KCNH1: variants seen among roughly 807,000 people sequenced by gnomAD.
KCNH1 encodes the protein voltage-gated delayed rectifier potassium channel KCNH1.
KCNH1 carries 27 observed loss-of-function variants against 69.2 expected under a neutral mutation model. The observed-to-expected ratio is 0.39, with a 90% CI of 0.29 to 0.54. The LOEUF (loss-of-function observed/expected upper bound fraction) is 0.54. KCNH1 is among the 20% of genes least tolerant of loss of function. KCNH1 has a pLI of 0.68. For synonymous variants in KCNH1, 456 were observed against 487.7 expected, an observed-to-expected ratio of 0.93 and a Z score of 0.86; for missense variants, 798 against 1,261.6, an observed-to-expected ratio of 0.63 and a Z score of 5.57.
At chr1:210,866,560 G>A (rs1383422330) in intron 7 of KCNH1, among the ~76,000 whole-genome samples, 8 of 152,072 alleles carry the variant, frequency 5.3e-5, no homozygotes, top group Admixed American at 5.2e-4. Flanking sequence ...AAATCACAAT[G>A]AGACATCACT....
intron 3 of KCNH1, among the ~76,000 whole-genome samples, chr1:211,091,128 C>T (rs529345086): frequency 2.0e-5 from 3 of 152,158 alleles, no homozygotes; most frequent in Non-Finnish European, 2.9e-5. Flanking sequence ...TAAAGGATCC[C>T]AGGGTCAAAA....
intron 7 of KCNH1, chr1:210,862,396 T>C: frequency 1.7e-6 from 1 of 600,794 alleles, no homozygotes; most frequent in East Asian, 3.2e-5. Context: ...AGGGCAATGG[T>C]GCAATCTTAA....
intron 10 of KCNH1, among the ~76,000 whole-genome samples, chr1:210,737,528 C>G (rs1245981857): frequency 2.0e-5 from 3 of 152,178 alleles, no homozygotes; most frequent in Non-Finnish European, 2.9e-5. Flanking sequence ...CTCACCCAGT[C>G]TCATGGATTT....
At chr1:210,821,885 G>A (rs992308908) in intron 7 of KCNH1, among the ~76,000 whole-genome samples, 8 of 151,598 alleles carry the variant, frequency 5.3e-5, no homozygotes, top group Non-Finnish European at 1.0e-4. Context: ...CACCCAGGCT[G>A]GAGTGTAGTG....
chr1:211,127,966 G>A (rs1386392686), intron 1 of KCNH1, among the ~76,000 whole-genome samples: 1 of 152,144 alleles, frequency 6.6e-6, no homozygotes, highest in Admixed American at 6.5e-5. Flanking sequence ...GTGTGGTACA[G>A]TCATACTATA....
chr1:210,863,740 T>C (rs1382961157), intron 7 of KCNH1, among the ~76,000 whole-genome samples: 1 of 152,198 alleles, frequency 6.6e-6, no homozygotes, highest in Non-Finnish European at 1.5e-5. Flanking sequence ...GCCTTGCTGG[T>C]GTTCCCTCAT....
chr1:210,984,977 A>G (rs572172870), intron 6 of KCNH1, among the ~76,000 whole-genome samples: 7 of 152,302 alleles, frequency 4.6e-5, no homozygotes, highest in African/African-American at 1.7e-4. Flanking sequence ...TTATTGGTCT[A>G]TTCAGAGATT....
At chr1:210,700,865 A>G (rs1364046009) in intron 10 of KCNH1, among the ~76,000 whole-genome samples, 4 of 151,764 alleles carry the variant, frequency 2.6e-5, no homozygotes, top group Non-Finnish European at 5.9e-5. Context: ...TGTTGTCTCA[A>G]AGTTTTTCAC....
intron 7 of KCNH1, among the ~76,000 whole-genome samples, chr1:210,885,838 C>T (rs910222918): frequency 1.3e-5 from 2 of 152,216 alleles, no homozygotes; most frequent in Admixed American, 1.3e-4. Flanking sequence ...CAGACTGCCT[C>T]TCTAGATTCC....
Position 210,823,353 on chromosome 1 carries a change from G to A in KCNH1, c.1463-19187C>T, listed in dbSNP as rs1462809148. 3.3e-5 allele frequency among the ~76,000 whole-genome samples: 5 copies of A among 152,182 alleles called. No homozygotes were observed. In the East Asian group the frequency reaches 9.6e-4, roughly 29 times the overall value. ...TTGCTCTCAAAGTAAGTGGTACACT[G>A]TAAGAAGACCCAAGAGCCTTCCTGA... is the stretch of plus-strand genomic sequence containing the variant. On this transcript the variant is annotated intron_variant, in intron 7 of 10. Coordinates refer to ENST00000271751, the MANE Select transcript of KCNH1 (RefSeq NM_172362.3).
At chr1:210,694,448 G>GT (rs1681594548) in intron 10 of KCNH1, among the ~76,000 whole-genome samples, 1 of 62,242 alleles carries the variant, frequency 1.6e-5, no homozygotes, top group Admixed American at 1.7e-4. Context: ...AACAGCTGAA[G>GT]GGTGGTGGGA....
At chr1:210,902,403 T>C (rs778584288) in intron 7 of KCNH1, among the ~76,000 whole-genome samples, 2 of 152,232 alleles carry the variant, frequency 1.3e-5, no homozygotes, top group Non-Finnish European at 2.9e-5. Context: ...CATGAGCAGA[T>C]GTGGCCAAAA....
intron 6 of KCNH1, among the ~76,000 whole-genome samples, chr1:210,931,572 C>G (rs1687680846): frequency 6.6e-6 from 1 of 152,046 alleles, no homozygotes; most frequent in Admixed American, 6.6e-5. Flanking sequence ...GTGTCCACTG[C>G]TCTGGTGATG....
intron 6 of KCNH1, among the ~76,000 whole-genome samples, chr1:210,984,594 T>C (rs909575325): frequency 3.3e-5 from 5 of 152,242 alleles, no homozygotes; most frequent in Non-Finnish European, 7.3e-5. Context: ...TTTCGTATGT[T>C]GAACCAGCCT....
At chr1:210,972,331 A>G (rs1688524883) in intron 6 of KCNH1, among the ~76,000 whole-genome samples, 1 of 152,124 alleles carries the variant, frequency 6.6e-6, no homozygotes, top group Non-Finnish European at 1.5e-5. Flanking sequence ...GTGCTTCCTC[A>G]TAACTTTTGT....
intron 10 of KCNH1, among the ~76,000 whole-genome samples, chr1:210,761,582 AGGG>A (rs1438894329): frequency 6.6e-6 from 1 of 152,220 alleles, no homozygotes; most frequent in Non-Finnish European, 1.5e-5. Context: ...ATAAGACAGC[AGGG>A]GGTCGCTAGT....
At chr1:211,009,846 T>C (rs1689360655) in intron 6 of KCNH1, among the ~76,000 whole-genome samples, 1 of 152,118 alleles carries the variant, frequency 6.6e-6, no homozygotes, top group Non-Finnish European at 1.5e-5. Context: ...TGACCTCAGG[T>C]GTCCTGCTCG....
chr1:210,842,504 T>C (rs1392860345), intron 7 of KCNH1, among the ~76,000 whole-genome samples: 2 of 152,182 alleles, frequency 1.3e-5, no homozygotes, highest in Admixed American at 1.3e-4. Flanking sequence ...TAGCGGAATT[T>C]AAATTCAACT....
chr1:210,867,399 T>C (rs556586759), intron 7 of KCNH1, among the ~76,000 whole-genome samples: 5 of 150,956 alleles, frequency 3.3e-5, no homozygotes, highest in African/African-American at 1.2e-4. Flanking sequence ...CAAATTCATA[T>C]TAAAGTGGGG....
Sources: gnomAD v4.1 joint callset for allele counts (sites outside exome capture counted in the v4.1 genomes callset) on GRCh38, gnomAD v4.1.1 for gene constraint, MANE v1.5 for transcripts, NCBI Gene and HGNC (gene_info 2026-07-23, HGNC 2026-07-21) for gene names.